The following VKORC1 variants were observed in gnomAD, a reference collection of about 807,000 sequenced individuals.
The protein encoded by VKORC1 is phylloquinone epoxide reductase.
A neutral mutation model predicts 14.8 loss-of-function variants in VKORC1; 12 were observed. The observed-to-expected ratio is 0.81, with a 90% CI of 0.52 to 1.31. The LOEUF (loss-of-function observed/expected upper bound fraction) is 1.31, where lower values mean the gene tolerates loss of function less well. VKORC1 is among the 50% of genes most tolerant of loss of function. The pLI is 0.00. For synonymous variants in VKORC1, 94 were observed against 92.5 expected, an observed-to-expected ratio of 1.02 and a Z score of -0.09; for missense variants, 223 against 215.3, an observed-to-expected ratio of 1.04 and a Z score of -0.22.
chr16:31,090,966 C>A lies in VKORC1; in HGVS notation c.*168G>T. 8.8e-7 allele frequency: 1 copy of A among 1,135,066 alleles called. No individual in the cohort carries two copies. Among genetic ancestry groups the A allele is most frequent in the Non-Finnish European group, 1.2e-6 (1 of 804,556 alleles). 70.3% of individuals were successfully genotyped at this position (1,135,066 alleles called of 1,614,324 possible). On this transcript the variant is annotated 3_prime_UTR_variant, in exon 3 of 3. Transcript: ENST00000394975. ...CAGAGGCACTGGGTGTAAAAAAGAGCGAGCGTGTGGCACATTTGGTCCATT... is the reference window on the plus strand; with the variant it reads ...CAGAGGCACTGGGTGTAAAAAAGAGAGAGCGTGTGGCACATTTGGTCCATT...
Position 31,091,274 on chromosome 16 carries a change from C to G in VKORC1, c.352G>C (p.Val118Leu), listed in dbSNP as rs753570105. The G allele has an allele frequency of 8.7e-5, 141 of 1,614,170 alleles. No homozygotes were observed. In the East Asian group the frequency reaches 2.0e-3, roughly 23 times the overall value. ...LSSLVSLAGSVYLAWILFFVL... is the reference protein window; with the variant it reads ...LSSLVSLAGSLYLAWILFFVL... ...AAGAACAGGATCCAGGCCAGGTAGA[C>G]AGAACCAGCGAGAGACACCAGGGAG... Residue 118 changes from valine to leucine, a missense_variant, in exon 3 of 3, where the codon GTC becomes CTC. Val to Leu is a conservative substitution (Grantham distance 32). Coordinates refer to ENST00000394975, the MANE Select transcript of VKORC1 (RefSeq NM_024006.6).
chr16:31,092,650 A>G lies in VKORC1; in HGVS notation c.283+662T>C, dbSNP rs953839244. Reference sequence around the variant, plus strand: ...TCCCTTGGTTCCTCTCTCTGTTCTTATGGGACTAGATACAAATTTTCCTGC... The same window carrying G: ...TCCCTTGGTTCCTCTCTCTGTTCTTGTGGGACTAGATACAAATTTTCCTGC... On this transcript the variant is annotated intron_variant, in intron 2 of 2. Coordinates refer to ENST00000394975, the MANE Select transcript of VKORC1 (RefSeq NM_024006.6). 9.3e-6 allele frequency: 11 copies of G among 1,179,424 alleles called. No homozygotes were observed. In the African/African-American group the frequency reaches 1.8e-4, roughly 19 times the overall value. 73.1% of individuals were successfully genotyped at this position (1,179,424 alleles called of 1,614,324 possible). A position where few individuals can be genotyped will look rare whatever the true frequency, so the allele number is the denominator to read the frequency against.
rs746650028 is a variant in VKORC1, at chr16:31,094,755, C to T, written c.-26G>A. ...TATCTCCAGGTTCCGCCCGAGGCGC[C>T]CGCGGAGAAAACCAGCCACGGAGCA... On this transcript the variant is annotated 5_prime_UTR_variant, in exon 1 of 3. Coordinates refer to ENST00000394975, the MANE Select transcript of VKORC1 (RefSeq NM_024006.6). 3.7e-5 allele frequency: 58 copies of T among 1,578,606 alleles called. No individual in the cohort carries two copies. The South Asian group carries it at 6.4e-4, about 17-fold the overall frequency.
In VKORC1 at chr16:31,094,583, G is replaced by C. The variant is rs2057314842; in HGVS notation, c.147C>G (p.Ile49Met). 31 of 1,610,880 alleles carry C rather than the reference G, an allele frequency of 1.9e-5. No homozygotes were observed. The highest frequency in any genetic ancestry group is 2.6e-5 in the Non-Finnish European group (31 of 1,179,318). Residue 49 changes from isoleucine (I) to methionine (M), a missense_variant, in exon 1 of 3, where the codon ATC (isoleucine) becomes ATG (methionine). Transcript: ENST00000394975. ...YRALCDVGTA[I>M]SCSRVFSSRW... ...TGGAGGAGAAGACGCGCGAACAGCT[G>C]ATGGCGGTGCCCACGTCGCAGAGCG... is the stretch of plus-strand genomic sequence containing the variant.
At chr16:31,092,248 A>T (rs2057294931) in intron 2 of VKORC1, among the ~76,000 whole-genome samples, 3 of 144,374 alleles carry the variant, frequency 2.1e-5, no homozygotes, top group Non-Finnish European at 4.5e-5. Context: ...GCTACTCAGG[A>T]GGATCGCTTG....
At chr16:31,094,299 T>C (rs1483100134) in intron 1 of VKORC1, 5 of 1,612,800 alleles carry the variant, frequency 3.1e-6, no homozygotes, top group Middle Eastern at 1.6e-4. Context: ...CCTTTCCTGG[T>C]CACCGTTATT....
At chr16:31,094,087 C>T in intron 1 of VKORC1, 1 of 1,376,222 alleles carries the variant, frequency 7.3e-7, no homozygotes, top group Non-Finnish European at 9.8e-7. Context: ...GGCAGATTAT[C>T]TTTGCCCTGG....
Position 31,090,950 on chromosome 16 carries a change from T to C in VKORC1, c.*184A>G. On this transcript the variant is annotated 3_prime_UTR_variant, in exon 3 of 3. Coordinates refer to ENST00000394975, the MANE Select transcript of VKORC1 (RefSeq NM_024006.6). ...CCCATGGGGACAGAGTCAGAGGCAC[T>C]GGGTGTAAAAAAGAGCGAGCGTGTG... The C allele has an allele frequency of 2.1e-6, 2 of 935,096 alleles. No homozygotes were observed. Among genetic ancestry groups the C allele is most frequent in the East Asian group, 2.7e-5 (1 of 37,598 alleles). 57.9% of individuals were successfully genotyped at this position (935,096 alleles called of 1,614,324 possible).
chr16:31,094,544 C>T lies in VKORC1; in HGVS notation c.173+13G>A, dbSNP rs2057314421. 6.2e-7 allele frequency: 1 copy of T among 1,612,422 alleles called. No individual in the cohort carries two copies. The highest frequency in any genetic ancestry group is 8.5e-7 in the Non-Finnish European group (1 of 1,179,728). On this transcript the variant is annotated intron_variant, in intron 1 of 2. Coordinates refer to ENST00000394975, the MANE Select transcript of VKORC1 (RefSeq NM_024006.6). The stretch of plus-strand genomic sequence containing the variant: ...CTGCTCCGAGGCCCCACGCCTCCCA[C>T]TCCCGTGCACACCTGGAGGAGAAGA...
intron 2 of VKORC1, 21 bp from the exon 3 acceptor site, chr16:31,091,363 C>T (rs371984148): frequency 2.8e-4 from 446 of 1,607,200 alleles, no homozygotes; most frequent in Non-Finnish European, 3.6e-4. Flanking sequence ...GAAGAGGGTC[C>T]GGTGTGGGCT....
chr16:31,093,181 G>A, intron 2 of VKORC1, 131 bp downstream of exon 2: 1 of 959,638 alleles, frequency 1.0e-6, no homozygotes, highest in East Asian at 2.6e-5. Context: ...CCACCCGCAG[G>A]ACGCTCCGTG....
In VKORC1 at chr16:31,091,296, G is replaced by A; in HGVS notation, c.330C>T (p.Ser110=). ...AGACAGAACCAGCGAGAGACACCAG[G>A]GAGCTCAGCAGCATCAGGACAGAGG... ...RWASVLMLLS[S]LVSLAGSVYL... The change falls in exon 3 of 3, where the codon TCC becomes TCT. Residue 110 remains serine, a synonymous_variant. Transcript: ENST00000394975. 2.5e-6 allele frequency: 4 copies of A among 1,614,126 alleles called. No individual in the cohort carries two copies. The highest frequency in any genetic ancestry group is 3.4e-6 in the Non-Finnish European group (4 of 1,180,038).
intron 1 of VKORC1, chr16:31,094,355 C>A (rs761549202): frequency 9.4e-5 from 151 of 1,612,828 alleles, no homozygotes; most frequent in Non-Finnish European, 1.2e-4. Context: ...AATCCCAGTC[C>A]CCAGCACTGT....
At chr16:31,092,443 G>A (rs950453871) in intron 2 of VKORC1, among the ~76,000 whole-genome samples, 11 of 152,008 alleles carry the variant, frequency 7.2e-5, no homozygotes, top group African/African-American at 2.2e-4. Context: ...TAAATAAATC[G>A]GCCAAGTCTG....
intron 2 of VKORC1, 99 bp downstream of exon 2, chr16:31,093,213 A>T: frequency 7.9e-7 from 1 of 1,262,372 alleles, no homozygotes; most frequent in Non-Finnish European, 1.1e-6. Context: ...GCTGGCTGTC[A>T]GCTGTGTGGA....
chr16:31,091,249 A>G lies in VKORC1; in HGVS notation c.377T>C (p.Phe126Ser), dbSNP rs1022061765. 2 of 1,614,086 alleles carry G rather than the reference A, an allele frequency of 1.2e-6. No homozygotes were observed. Among genetic ancestry groups the G allele is most frequent in the Non-Finnish European group, 1.7e-6 (2 of 1,180,060 alleles). Residue 126 changes from phenylalanine (F) to serine (S), a missense_variant, in exon 3 of 3, where the codon TTC (phenylalanine) becomes TCC (serine). Coordinates refer to ENST00000394975, the MANE Select transcript of VKORC1 (RefSeq NM_024006.6). ...AACAATGCAGAAATCATAGAGCACG[A>G]AGAACAGGATCCAGGCCAGGTAGAC... Reference protein sequence around the residue: ...GSVYLAWILFFVLYDFCIVCI... With the variant: ...GSVYLAWILFSVLYDFCIVCI...
chr16:31,092,894 T>G, intron 2 of VKORC1: 1 of 632,820 alleles, frequency 1.6e-6, no homozygotes, highest in Non-Finnish European at 2.3e-6. Flanking sequence ...AAACAAAAAT[T>G]AGCTGGGCAT....
chr16:31,093,334 G>A lies in VKORC1; in HGVS notation c.261C>T (p.Phe87=). Reference sequence around the variant, plus strand: ...CACCTAACAATAGCTGTAGTGTGTAGAAGATGCAACCGAATATGCTGTTGG... The same window carrying A: ...CACCTAACAATAGCTGTAGTGTGTAAAAGATGCAACCGAATATGCTGTTGG... ...NQSNSIFGCI[F]YTLQLLLGCL... The change falls in exon 2 of 3, where the codon TTC becomes TTT. Residue 87 remains phenylalanine (F), a synonymous_variant. Transcript: ENST00000394975. 4.3e-6 allele frequency: 7 copies of A among 1,614,038 alleles called. No homozygotes were observed. The highest frequency in any genetic ancestry group is 5.1e-6 in the Non-Finnish European group (6 of 1,180,020).
Position 31,091,313 on chromosome 16 carries a change from G to A in VKORC1, c.313C>T (p.Leu105=), listed in dbSNP as rs1163093744. 3.1e-6 allele frequency: 5 copies of A among 1,613,968 alleles called. No individual in the cohort carries two copies. Among genetic ancestry groups the A allele is most frequent in the Middle Eastern group, 1.6e-4 (1 of 6,084 alleles). The change falls in exon 3 of 3, where the codon CTG becomes TTG. Residue 105 remains leucine (L), a synonymous_variant. Transcript: ENST00000394975. ...GCLRTRWASV[L]MLLSSLVSLA... ...GACACCAGGGAGCTCAGCAGCATCA[G>A]GACAGAGGCCCAGCGTGTCCGCAGG...
Sources: allele counts gnomAD v4.1 joint callset (sites outside exome capture counted in the v4.1 genomes callset), GRCh38; gene constraint gnomAD v4.1.1; transcripts MANE v1.5; gene names NCBI Gene and HGNC (gene_info 2026-07-23, HGNC 2026-07-21).